The following DACH1 variants were observed in gnomAD, a reference collection of about 807,000 sequenced individuals.
DACH1 encodes dachshund family transcription factor 1.
DACH1 carries 12 observed loss-of-function variants against 54.2 expected under a neutral mutation model. That is an observed-to-expected ratio of 0.22 (90% CI 0.14 to 0.36). The LOEUF (loss-of-function observed/expected upper bound fraction) is 0.36. Ranked by LOEUF, DACH1 falls within the 10% of genes least tolerant of loss-of-function variation. The pLI, the probability that DACH1 is intolerant of heterozygous loss-of-function variation, is 1.00. For synonymous variants in DACH1, 386 were observed against 366.2 expected (o/e 1.05, Z -0.62); for missense variants, 805 against 929.8 (o/e 0.87, Z 1.75).
At position 71,574,035 on chromosome 13, in the gene DACH1, T is replaced by C. The variant is rs189705056; in HGVS notation, c.1127-1023A>G. 3.1e-3 allele frequency among the ~76,000 whole-genome samples: 479 copies of C among 152,290 alleles called. 3 individuals are homozygous for C. Among genetic ancestry groups the C allele is most frequent in the Non-Finnish European group, 5.0e-3 (343 of 68,012 alleles). ...AAACGTCCAGCTTGGTTAGACATTG[T>C]ACAGAGAACACAAAAGATCACTTTA... is the stretch of plus-strand genomic sequence containing the variant. On this transcript the variant is annotated intron_variant, in intron 3 of 10. Transcript: ENST00000613252.
At chr13:71,541,310 A>G (rs1168371787) in intron 6 of DACH1, among the ~76,000 whole-genome samples, 3 of 152,064 alleles carry the variant, frequency 2.0e-5, no homozygotes, top group African/African-American at 7.2e-5. Flanking sequence ...AAGTATTTTT[A>G]TAGTTTCCTG....
At chr13:71,475,638 A>T (rs1877446542) in intron 9 of DACH1, 68 bp downstream of exon 9, 17 of 1,493,778 alleles carry the variant, frequency 1.1e-5, no homozygotes, top group Non-Finnish European at 1.5e-5. Context: ...AACTACAAAC[A>T]CATGCCTAAA....
chr13:71,667,604 C>T (rs1358077956), intron 2 of DACH1, among the ~76,000 whole-genome samples: 1 of 152,060 alleles, frequency 6.6e-6, no homozygotes, highest in African/African-American at 2.4e-5. Flanking sequence ...ATGTGGAACT[C>T]ACTGTAATTT....
chr13:71,727,299 A>G (rs893658988), intron 1 of DACH1, among the ~76,000 whole-genome samples: 74 of 152,200 alleles, frequency 4.9e-4, no homozygotes, highest in African/African-American at 1.6e-3. Context: ...CCCTGCCAAC[A>G]TTTGAAATGA....
intron 1 of DACH1, among the ~76,000 whole-genome samples, chr13:71,858,220 C>A (rs1453580858): frequency 6.6e-6 from 1 of 151,350 alleles, no homozygotes; most frequent in Admixed American, 6.6e-5. Context: ...TTTTGTTTGC[C>A]CTTGAAGAAA....
intron 1 of DACH1, among the ~76,000 whole-genome samples, chr13:71,702,156 A>G (rs1882170345): frequency 1.3e-5 from 2 of 152,138 alleles, no homozygotes; most frequent in Admixed American, 1.3e-4. Flanking sequence ...ACCAAGCTCA[A>G]ATTATTCACA....
intron 1 of DACH1, among the ~76,000 whole-genome samples, chr13:71,822,350 A>G (rs1327798043): frequency 6.6e-6 from 1 of 152,248 alleles, no homozygotes; most frequent in African/African-American, 2.4e-5. Flanking sequence ...TTAATATAGT[A>G]AAAGTAAAAT....
chr13:71,561,723 G>A (rs1884596596), intron 4 of DACH1, among the ~76,000 whole-genome samples: 1 of 152,052 alleles, frequency 6.6e-6, no homozygotes, highest in Non-Finnish European at 1.5e-5. Context: ...CCAGACTTCG[G>A]TATCTTTTTA....
chr13:71,479,052 C>T, intron 8 of DACH1, 117 bp downstream of exon 8: 3 of 951,980 alleles, frequency 3.2e-6, no homozygotes, highest in Non-Finnish European at 4.5e-6. Context: ...CTGCTCTGAA[C>T]TTTAGCTACC....
intron 3 of DACH1, among the ~76,000 whole-genome samples, chr13:71,621,950 C>T (rs941281782): frequency 6.6e-6 from 1 of 152,126 alleles, no homozygotes; most frequent in African/African-American, 2.4e-5. Context: ...TTATGACCTG[C>T]TGTTAAAGAA....
chr13:71,774,563 T>A (rs141571355), intron 1 of DACH1, among the ~76,000 whole-genome samples: 172 of 152,240 alleles, frequency 1.1e-3, no homozygotes, highest in African/African-American at 3.7e-3. Flanking sequence ...ATAATTTAGT[T>A]ATGATACCAA....
At chr13:71,862,357 TG>T (rs1371628323) in intron 1 of DACH1, among the ~76,000 whole-genome samples, 1 of 152,074 alleles carries the variant, frequency 6.6e-6, no homozygotes, top group Non-Finnish European at 1.5e-5. Flanking sequence ...TTTCTTTTTT[TG>T]TTGTTATTTA....
At chr13:71,857,765 T>C (rs1312012003) in intron 1 of DACH1, among the ~76,000 whole-genome samples, 1 of 151,722 alleles carries the variant, frequency 6.6e-6, no homozygotes, top group Non-Finnish European at 1.5e-5. Flanking sequence ...AAGAAGATAA[T>C]ATCATTTTGA....
chr13:71,678,948 C>A (rs189280914), intron 2 of DACH1, among the ~76,000 whole-genome samples: 78 of 152,302 alleles, frequency 5.1e-4, no homozygotes, highest in African/African-American at 1.6e-3. Flanking sequence ...GCCTGAACCC[C>A]GGGCCCAGCC....
In DACH1 at chr13:71,592,231, G is replaced by T. The variant is rs764310702; in HGVS notation, c.1127-19219C>A. ...AAAATTTTAAAAAGGAGAATTAGGG[G>T]CTGAGTGCCATGGCTCATGCCTGTA... On this transcript the variant is annotated intron_variant, in intron 3 of 10. Coordinates refer to ENST00000613252, the MANE Select transcript of DACH1 (RefSeq NM_080759.6). Among the ~76,000 whole-genome samples, 48 of 152,030 alleles carry T rather than the reference G, an allele frequency of 3.2e-4. 1 individual carries two copies. The highest frequency in any genetic ancestry group is 5.9e-4 in the Non-Finnish European group (40 of 68,002).
chr13:71,587,330 T>C (rs976062934), intron 3 of DACH1, among the ~76,000 whole-genome samples: 1 of 152,106 alleles, frequency 6.6e-6, no homozygotes, highest in Non-Finnish European at 1.5e-5. Flanking sequence ...TTAAATTGAA[T>C]TGTAAAATGT....
At chr13:71,666,548 C>T (rs1188312407) in intron 2 of DACH1, among the ~76,000 whole-genome samples, 2 of 151,960 alleles carry the variant, frequency 1.3e-5, no homozygotes, top group African/African-American at 2.4e-5. Context: ...TAAACTTATG[C>T]ATTTTATTGG....
intron 2 of DACH1, among the ~76,000 whole-genome samples, chr13:71,636,546 T>G (rs1877497129): frequency 7.1e-6 from 1 of 140,486 alleles, no homozygotes; most frequent in South Asian, 2.2e-4. Context: ...CAACACAAAG[T>G]AAAAATAATA....
intron 1 of DACH1, among the ~76,000 whole-genome samples, chr13:71,815,696 A>G (rs1887888325): frequency 6.6e-6 from 1 of 152,226 alleles, no homozygotes; most frequent in Admixed American, 6.5e-5. Context: ...GCAAAATTTC[A>G]CGTGACAGGT....
Sources: allele counts gnomAD v4.1 joint callset (sites outside exome capture counted in the v4.1 genomes callset), GRCh38; gene constraint gnomAD v4.1.1; transcripts MANE v1.5; gene names NCBI Gene and HGNC (gene_info 2026-07-23, HGNC 2026-07-21).